The following SULT2B1 variants were observed in gnomAD, a reference collection of about 807,000 sequenced individuals.
SULT2B1 encodes sulfotransferase family 2B member 1.
SULT2B1 carries 16 observed loss-of-function variants against 33.2 expected under a neutral mutation model. The observed-to-expected ratio is 0.48, with a 90% CI of 0.33 to 0.73. The LOEUF is 0.73. SULT2B1 is among the 30% of genes least tolerant of loss of function. The pLI, the probability that SULT2B1 is intolerant of heterozygous loss-of-function variation, is 0.02. For synonymous variants in SULT2B1, 186 were observed against 200.5 expected (o/e 0.93, Z 0.61); for missense variants, 500 against 506.0 (o/e 0.99, Z 0.11).
In SULT2B1 at chr19:48,555,066, C is replaced by T. The variant is rs185892626; in HGVS notation, c.71+2743C>T. On this transcript the variant is annotated intron_variant, in intron 1 of 6. Transcript: ENST00000201586. ...GCCTCCGAGTAGCTGGGATGACAGG[C>T]GCGTGCCACTGCGCCCAGTTAATAT... 1.2e-4 allele frequency among the ~76,000 whole-genome samples: 19 copies of T among 152,146 alleles called. No individual in the cohort carries two copies. The East Asian group carries it at 2.1e-3, about 17-fold the overall frequency.
Position 48,552,822 on chromosome 19 carries a change from G to C in SULT2B1, c.71+499G>C, listed in dbSNP as rs889122775. On this transcript the variant is annotated intron_variant, in intron 1 of 6. Coordinates refer to ENST00000201586, the MANE Select transcript of SULT2B1 (RefSeq NM_177973.2). The surrounding 1 kb of genome is among the most constrained non-coding windows in gnomAD (Gnocchi z 4.8). ...AGGGCACTTGGGGCGGAGAGGGCAG[G>C]CTCTGGACTCTTCAGGTCTCCTAAC... 6.6e-6 allele frequency among the ~76,000 whole-genome samples: 1 copy of C among 152,108 alleles called. No individual in the cohort carries two copies. Among genetic ancestry groups the C allele is most frequent in the African/African-American group, 2.4e-5 (1 of 41,440 alleles).
At chr19:48,594,789 C>T (rs1356278206) in intron 5 of SULT2B1, among the ~76,000 whole-genome samples, 1 of 151,636 alleles carries the variant, frequency 6.6e-6, no homozygotes, top group African/African-American at 2.4e-5. Flanking sequence ...GAGGCCGAGG[C>T]AGGCAGATCA....
intron 2 of SULT2B1, among the ~76,000 whole-genome samples, chr19:48,585,477 G>A (rs1306180125): frequency 3.3e-5 from 5 of 152,040 alleles, no homozygotes; most frequent in Non-Finnish European, 7.4e-5. Context: ...AGACCAGCCT[G>A]GCTAACATGG....
intron 2 of SULT2B1, among the ~76,000 whole-genome samples, chr19:48,578,407 C>T (rs1205223663): frequency 6.6e-6 from 1 of 151,956 alleles, no homozygotes; most frequent in Non-Finnish European, 1.5e-5. Flanking sequence ...CATGGTGAGA[C>T]CTCATCTCTA....
At chr19:48,563,270 T>C (rs2147600619) in intron 1 of SULT2B1, among the ~76,000 whole-genome samples, 1 of 152,168 alleles carries the variant, frequency 6.6e-6, no homozygotes, top group East Asian at 1.9e-4. Flanking sequence ...AATCATATGA[T>C]ATCCACTCTG....
intron 1 of SULT2B1, among the ~76,000 whole-genome samples, chr19:48,559,784 C>A (rs913405051): frequency 6.6e-6 from 1 of 151,984 alleles, no homozygotes; most frequent in South Asian, 2.1e-4. Context: ...GGACCAGAGC[C>A]CCAAGGATCT....
At chr19:48,558,335 GT>G (rs55961684) in intron 1 of SULT2B1, among the ~76,000 whole-genome samples, 36,822 of 152,096 alleles carry the variant, frequency 0.24, 4,744 homozygotes, top group East Asian at 0.44. Flanking sequence ...GACAGGAGGC[GT>G]TAGCAGGCGC....
chr19:48,591,517 G>C, intron 3 of SULT2B1, 92 bp from the exon 4 acceptor site: 1 of 1,439,934 alleles, frequency 6.9e-7, no homozygotes, highest in South Asian at 1.4e-5. Flanking sequence ...TTCAGGGTCA[G>C]AAGAGAGGGG....
intron 1 of SULT2B1, among the ~76,000 whole-genome samples, chr19:48,556,965 G>T (rs1420145744): frequency 1.3e-5 from 2 of 150,524 alleles, no homozygotes; most frequent in African/African-American, 4.9e-5. Flanking sequence ...AAAAAAAGTT[G>T]TCCTAGGCCA....
intron 1 of SULT2B1, among the ~76,000 whole-genome samples, chr19:48,570,005 AAC>A (rs200136629): frequency 0.016 from 2,467 of 151,950 alleles, no homozygotes; most frequent in African/African-American, 0.055. Context: ...CCATTTGTGG[AAC>A]ACAGTCTCAG....
chr19:48,576,232 G>C (rs1445094055), intron 2 of SULT2B1, 149 bp downstream of exon 2: 1 of 662,926 alleles, frequency 1.5e-6, no homozygotes, highest in African/African-American at 1.8e-5. Flanking sequence ...TAGCCTCCCA[G>C]GGATACCCAC....
In SULT2B1 at chr19:48,552,518, C is replaced by T. The variant is rs142760384; in HGVS notation, c.71+195C>T. On this transcript the variant is annotated intron_variant, in intron 1 of 6. Coordinates refer to ENST00000201586, the MANE Select transcript of SULT2B1 (RefSeq NM_177973.2). The surrounding 1 kb of genome is among the most constrained non-coding windows in gnomAD (Gnocchi z 4.8). ...TCCCTCCTGAGAAGGGAGTGAGGACCCGACCGTGTTGAGTCACCAGTGGGG... is the reference window on the plus strand; with the variant it reads ...TCCCTCCTGAGAAGGGAGTGAGGACTCGACCGTGTTGAGTCACCAGTGGGG... Among the ~76,000 whole-genome samples the T allele has an allele frequency of 7.7e-3, 1,173 of 152,246 alleles. 31 individuals are homozygous for T. The highest frequency in any genetic ancestry group is 3.9e-3 in the Non-Finnish European group (267 of 67,994).
chr19:48,568,383 TAGCCA>T (rs1973271915), intron 1 of SULT2B1, among the ~76,000 whole-genome samples: 1 of 151,962 alleles, frequency 6.6e-6, no homozygotes, highest in African/African-American at 2.4e-5. Context: ...TCTCTTGCTT[TAGCCA>T]AGGTGGTCAG....
intron 2 of SULT2B1, among the ~76,000 whole-genome samples, chr19:48,584,231 C>T (rs941844927): frequency 6.6e-6 from 1 of 152,182 alleles, no homozygotes; most frequent in African/African-American, 2.4e-5. Flanking sequence ...CCTGCCCAAC[C>T]GGCTCCCCAC....
intron 3 of SULT2B1, among the ~76,000 whole-genome samples, chr19:48,590,121 G>C (rs529073515): frequency 3.3e-5 from 5 of 152,108 alleles, no homozygotes; most frequent in African/African-American, 1.2e-4. Flanking sequence ...CCAAATAGCT[G>C]GGATTACAGG....
intron 1 of SULT2B1, among the ~76,000 whole-genome samples, chr19:48,572,614 C>G (rs1410174683): frequency 1.3e-5 from 2 of 152,104 alleles, no homozygotes; most frequent in East Asian, 3.9e-4. Flanking sequence ...GTGCCTGGAG[C>G]TGGTGTCTGC....
At chr19:48,583,324 A>C (rs923062846) in intron 2 of SULT2B1, among the ~76,000 whole-genome samples, 4 of 152,194 alleles carry the variant, frequency 2.6e-5, no homozygotes, top group African/African-American at 9.7e-5. Flanking sequence ...TTAACTCAGC[A>C]GTTCCACTTC....
chr19:48,569,031 A>C (rs1460788906), intron 1 of SULT2B1, among the ~76,000 whole-genome samples: 1 of 152,078 alleles, frequency 6.6e-6, no homozygotes, highest in East Asian at 1.9e-4. Flanking sequence ...ATAAATGACA[A>C]ATTTTAGATT....
At chr19:48,563,182 T>C (rs1022894994) in intron 1 of SULT2B1, among the ~76,000 whole-genome samples, 1 of 152,130 alleles carries the variant, frequency 6.6e-6, no homozygotes, top group African/African-American at 2.4e-5. Context: ...CCCAAAGTGG[T>C]AGGATTACAG....
Sources: allele counts gnomAD v4.1 joint callset (sites outside exome capture counted in the v4.1 genomes callset), GRCh38; gene constraint gnomAD v4.1.1; non-coding constraint Gnocchi (gnomAD v3.1); transcripts MANE v1.5; gene names NCBI Gene and HGNC (gene_info 2026-07-23, HGNC 2026-07-21).